CNTNAP2: variants seen among roughly 807,000 people sequenced by gnomAD.
CNTNAP2 encodes the protein contactin associated protein 2.
A neutral mutation model predicts 155.2 loss-of-function variants in CNTNAP2; 98 were observed. The observed-to-expected ratio is 0.63, with a 90% CI of 0.54 to 0.75. The LOEUF (loss-of-function observed/expected upper bound fraction) is 0.75, where lower values mean the gene tolerates loss of function less well. CNTNAP2 is among the 30% of genes least tolerant of loss of function. The pLI, the probability that CNTNAP2 is intolerant of heterozygous loss-of-function variation, is 0.00. For synonymous variants in CNTNAP2, 651 were observed against 631.2 expected (o/e 1.03, Z -0.47); for missense variants, 1,727 against 1,688.1 (o/e 1.02, Z -0.40).
chr7:147,655,059 C>A (rs188617122), intron 13 of CNTNAP2, among the ~76,000 whole-genome samples: 51 of 151,996 alleles, frequency 3.4e-4, no homozygotes, highest in African/African-American at 1.1e-3. Context: ...GTGATCCACC[C>A]GCCTGGGCCT....
chr7:147,970,119 A>G (rs1007982080), intron 14 of CNTNAP2, among the ~76,000 whole-genome samples: 5 of 151,610 alleles, frequency 3.3e-5, no homozygotes, highest in African/African-American at 1.2e-4. Flanking sequence ...TTATAGAGAC[A>G]GGGTCTCACC....
At chr7:146,353,773 G>A (rs181228864) in intron 1 of CNTNAP2, among the ~76,000 whole-genome samples, 1 of 151,872 alleles carries the variant, frequency 6.6e-6, no homozygotes, top group Non-Finnish European at 1.5e-5. Flanking sequence ...GATTACTAGG[G>A]CCTATTAAAA....
chr7:147,249,349 C>T (rs1804134521), intron 8 of CNTNAP2, among the ~76,000 whole-genome samples: 1 of 152,040 alleles, frequency 6.6e-6, no homozygotes, highest in Admixed American at 6.6e-5. Context: ...GTTCTACTCA[C>T]CACGTTAAGA....
intron 21 of CNTNAP2, among the ~76,000 whole-genome samples, chr7:148,287,275 A>G (rs1797099466): frequency 6.6e-6 from 1 of 152,248 alleles, no homozygotes; most frequent in African/African-American, 2.4e-5. Flanking sequence ...TGATTGATAA[A>G]TAATATTTCA....
At chr7:146,885,878 A>G (rs1026174635) in intron 3 of CNTNAP2, among the ~76,000 whole-genome samples, 1 of 151,832 alleles carries the variant, frequency 6.6e-6, no homozygotes, top group African/African-American at 2.4e-5. Context: ...TGCACAGGAT[A>G]GAACTTGTCG....
chr7:147,377,285 T>G (rs1008126631), intron 9 of CNTNAP2, among the ~76,000 whole-genome samples: 10 of 151,842 alleles, frequency 6.6e-5, no homozygotes, highest in African/African-American at 2.4e-4. Context: ...GCTTAAGATC[T>G]TGATCTTTCT....
intron 3 of CNTNAP2, among the ~76,000 whole-genome samples, chr7:146,871,292 A>T (rs573685583): frequency 6.6e-6 from 1 of 152,244 alleles, no homozygotes; most frequent in South Asian, 2.1e-4. Flanking sequence ...GCACTTTGGG[A>T]GGCCGAGGCG....
chr7:147,233,473 A>G (rs1234215716), intron 8 of CNTNAP2, among the ~76,000 whole-genome samples: 1 of 152,194 alleles, frequency 6.6e-6, no homozygotes, highest in Non-Finnish European at 1.5e-5. Context: ...AGAGAAAACA[A>G]ACTTTGTCAT....
intron 14 of CNTNAP2, among the ~76,000 whole-genome samples, chr7:147,942,656 T>C (rs1264419910): frequency 6.6e-6 from 1 of 152,174 alleles, no homozygotes. Flanking sequence ...CTAATAATCC[T>C]ACTACTGTCC....
intron 18 of CNTNAP2, among the ~76,000 whole-genome samples, chr7:148,194,106 G>A (rs1204597918): frequency 6.6e-6 from 1 of 150,974 alleles, no homozygotes; most frequent in South Asian, 2.1e-4. Flanking sequence ...AAGCAGCTGG[G>A]ATTACAGGTG....
chr7:147,333,892 A>C (rs12538269), intron 9 of CNTNAP2, among the ~76,000 whole-genome samples: 27,715 of 152,030 alleles, frequency 0.18, 2,902 homozygotes, highest in East Asian at 0.36. Flanking sequence ...TTTAGGACCC[A>C]AGTCATCGGT....
At chr7:146,864,717 C>T (rs1314091173) in intron 3 of CNTNAP2, among the ~76,000 whole-genome samples, 4 of 151,960 alleles carry the variant, frequency 2.6e-5, no homozygotes, top group African/African-American at 4.8e-5. Context: ...AGGCTGGGCG[C>T]GGTGGCTCAA....
chr7:147,782,555 G>A (rs781717763), intron 13 of CNTNAP2, among the ~76,000 whole-genome samples: 6 of 151,972 alleles, frequency 3.9e-5, no homozygotes, highest in East Asian at 1.9e-4. Context: ...CTCACATAGC[G>A]GAAGTGGTAA....
chr7:147,286,118 T>G (rs913080629), intron 8 of CNTNAP2, among the ~76,000 whole-genome samples: 2 of 152,062 alleles, frequency 1.3e-5, no homozygotes, highest in Non-Finnish European at 1.5e-5. Context: ...AATAGATATA[T>G]CCTCAGAAAA....
At chr7:146,262,334 G>A (rs770525721) in intron 1 of CNTNAP2, among the ~76,000 whole-genome samples, 5 of 152,046 alleles carry the variant, frequency 3.3e-5, no homozygotes, top group African/African-American at 7.2e-5. Context: ...TCAATTGCAC[G>A]TTAGACAACT....
intron 13 of CNTNAP2, among the ~76,000 whole-genome samples, chr7:147,768,221 A>C (rs1797413255): frequency 6.6e-6 from 1 of 152,186 alleles, no homozygotes; most frequent in Non-Finnish European, 1.5e-5. Flanking sequence ...TACTCATCAG[A>C]AAACATATCT....
intron 21 of CNTNAP2, among the ~76,000 whole-genome samples, chr7:148,341,049 C>G (rs538436708): frequency 6.6e-6 from 1 of 152,326 alleles, no homozygotes; most frequent in African/African-American, 2.4e-5. Flanking sequence ...ACTGCTGATC[C>G]AGGAATTCCA....
chr7:146,603,572 C>T (rs1057277287), intron 1 of CNTNAP2, among the ~76,000 whole-genome samples: 1 of 150,420 alleles, frequency 6.6e-6, no homozygotes, highest in African/African-American at 2.4e-5. Flanking sequence ...GAAAAAACTA[C>T]TTTAAAGTTC....
chr7:147,651,447 G>A (rs367918645), intron 13 of CNTNAP2, among the ~76,000 whole-genome samples: 6 of 152,224 alleles, frequency 3.9e-5, no homozygotes, highest in Non-Finnish European at 8.8e-5. Context: ...TAAGTTGACA[G>A]ATAAAACCGA....
Sources: gnomAD v4.1 joint callset for allele counts (sites outside exome capture counted in the v4.1 genomes callset) on GRCh38, gnomAD v4.1.1 for gene constraint, MANE v1.5 for transcripts, NCBI Gene and HGNC (gene_info 2026-07-23, HGNC 2026-07-21) for gene names.